PSEN1: variants seen among roughly 807,000 people sequenced by gnomAD.
The protein encoded by PSEN1 is presenilin 1.
A neutral mutation model predicts 53.5 loss-of-function variants in PSEN1; 15 were observed. The ratio of observed to expected loss-of-function variants is 0.28; its 90% CI spans 0.19 to 0.43. The LOEUF (loss-of-function observed/expected upper bound fraction) is 0.43, where lower values mean the gene tolerates loss of function less well. Ranked by LOEUF, PSEN1 falls within the 20% of genes least tolerant of loss-of-function variation. The pLI, the probability that PSEN1 is intolerant of heterozygous loss-of-function variation, is 1.00. For synonymous variants in PSEN1, 208 were observed against 209.8 expected (o/e 0.99, Z 0.08); for missense variants, 387 against 571.2 (o/e 0.68, Z 3.29).
intron 7 of PSEN1, among the ~76,000 whole-genome samples, chr14:73,194,005 A>G (rs1486501899): frequency 1.3e-5 from 2 of 152,174 alleles, no homozygotes; most frequent in Non-Finnish European, 2.9e-5. Context: ...TTTATAAGGT[A>G]ATGTATAGAA....
At chr14:73,209,008 C>T (rs61986903) in intron 9 of PSEN1, 15,007 of 382,302 alleles carry the variant, frequency 0.039, 412 homozygotes, top group Non-Finnish European at 0.06. Flanking sequence ...GCTGGCATGT[C>T]AGTGCTGCCC....
intron 3 of PSEN1, among the ~76,000 whole-genome samples, chr14:73,165,566 A>G (rs1374887747): frequency 1.4e-5 from 2 of 147,190 alleles, no homozygotes; most frequent in East Asian, 4.2e-4. Flanking sequence ...ACCAACATGG[A>G]TAAGACTCCA....
chr14:73,148,732 A>G (rs1251656919), intron 3 of PSEN1, among the ~76,000 whole-genome samples: 2 of 152,174 alleles, frequency 1.3e-5, no homozygotes, highest in South Asian at 2.1e-4. Context: ...TAGGAGTTCA[A>G]TACCAGCTTG....
At chr14:73,138,742 T>C (rs1464659669) in intron 1 of PSEN1, among the ~76,000 whole-genome samples, 29 of 121,494 alleles carry the variant, frequency 2.4e-4, no homozygotes, top group Middle Eastern at 0.013. Flanking sequence ...GGGCGGATCA[T>C]GAGGTCAGGA....
intron 5 of PSEN1, among the ~76,000 whole-genome samples, chr14:73,175,899 C>T (rs998432655): frequency 6.6e-6 from 1 of 152,334 alleles, no homozygotes; most frequent in East Asian, 1.9e-4. Flanking sequence ...TCAATTTGTA[C>T]TTAACACCAG....
chr14:73,158,792 G>C (rs903611951), intron 3 of PSEN1, among the ~76,000 whole-genome samples: 1 of 152,102 alleles, frequency 6.6e-6, no homozygotes, highest in East Asian at 1.9e-4. Context: ...TACTACCAAA[G>C]AACTTTCCAA....
chr14:73,167,522 C>T (rs1897752104), intron 3 of PSEN1, among the ~76,000 whole-genome samples: 2 of 152,148 alleles, frequency 1.3e-5, no homozygotes, highest in South Asian at 4.1e-4. Context: ...ATGACCCAGT[C>T]ACCTCCTAAA....
intron 5 of PSEN1, among the ~76,000 whole-genome samples, chr14:73,183,896 T>C (rs1898320058): frequency 6.7e-6 from 1 of 149,054 alleles, no homozygotes; most frequent in African/African-American, 2.5e-5. Flanking sequence ...GCCCCTCACC[T>C]CCCGGGCGGG....
At chr14:73,211,700 C>T in intron 9 of PSEN1, 69 bp from the exon 10 acceptor site, 3 of 1,535,088 alleles carry the variant, frequency 2.0e-6, no homozygotes, top group Non-Finnish European at 2.7e-6. Context: ...TTACTGTTTC[C>T]ATGTAATTTT....
chr14:73,200,761 A>G (rs1899146272), intron 8 of PSEN1, among the ~76,000 whole-genome samples: 1 of 152,132 alleles, frequency 6.6e-6, no homozygotes, highest in African/African-American at 2.4e-5. Flanking sequence ...AGTTTCAAGA[A>G]GGAGAGAGGC....
intron 3 of PSEN1, among the ~76,000 whole-genome samples, chr14:73,161,983 C>T (rs1352001986): frequency 9.1e-5 from 13 of 143,256 alleles, no homozygotes; most frequent in East Asian, 4.2e-4. Context: ...GGCGAAACCC[C>T]GTTTCCACTA....
chr14:73,192,596 G>C (rs770380350), intron 6 of PSEN1, 48 bp from the exon 7 acceptor site: 1 of 1,276,540 alleles, frequency 7.8e-7, no homozygotes, highest in Non-Finnish European at 1.1e-6. Flanking sequence ...ATAATGTTTT[G>C]GTGAAAATTA....
intron 7 of PSEN1, among the ~76,000 whole-genome samples, 165 bp downstream of exon 7, chr14:73,193,029 G>A (rs1038111353): frequency 1.3e-5 from 2 of 152,040 alleles, no homozygotes; most frequent in African/African-American, 2.4e-5. Context: ...TGAAGATTTC[G>A]GCTGGGCATG....
At chr14:73,207,722 C>T (rs545991340) in intron 9 of PSEN1, among the ~76,000 whole-genome samples, 3 of 152,368 alleles carry the variant, frequency 2.0e-5, no homozygotes, top group Admixed American at 6.5e-5. Context: ...CCACTGGGCT[C>T]ATTCCACCTA....
intron 5 of PSEN1, among the ~76,000 whole-genome samples, 196 bp from the exon 6 acceptor site, chr14:73,186,657 G>T (rs1415351861): frequency 3.3e-5 from 5 of 151,862 alleles, no homozygotes; most frequent in Non-Finnish European, 5.9e-5. Context: ...CGCACGCGTG[G>T]TTCCACCTAC....
intron 1 of PSEN1, among the ~76,000 whole-genome samples, chr14:73,145,719 TG>T (rs1897050979): frequency 6.6e-6 from 1 of 152,234 alleles, no homozygotes; most frequent in African/African-American, 2.4e-5. Context: ...GAATACATAT[TG>T]TTTTTGCATC....
At position 73,170,836 on chromosome 14, in the gene PSEN1, A is replaced by C. The variant is rs1198845230; in HGVS notation, c.127A>C (p.Ser43Arg). ...ACGGCAGGAGCACAACGACAGACGG[A>C]GCCTTGGCCACCCTGAGCCATTATC... ...RERQEHNDRR[S>R]LGHPEPLSNG... The change falls in exon 4 of 12, where the codon AGC becomes CGC. Residue 43 changes from serine (S) to arginine (R), a missense_variant. Physicochemically the swap from Ser to Arg is moderately radical, Grantham distance 110 (BLOSUM62 -1). Coordinates refer to ENST00000324501, the MANE Select transcript of PSEN1 (RefSeq NM_000021.4). 6 of 1,613,962 alleles carry C rather than the reference A, an allele frequency of 3.7e-6. No homozygotes were observed. The highest frequency in any genetic ancestry group is 4.2e-6 in the Non-Finnish European group (5 of 1,179,930).
At chr14:73,205,371 C>T (rs988297931) in intron 8 of PSEN1, among the ~76,000 whole-genome samples, 12 of 149,082 alleles carry the variant, frequency 8.0e-5, no homozygotes, top group African/African-American at 1.5e-4. Context: ...CCCAGCTACT[C>T]GGGAGGCTGA....
At chr14:73,175,357 C>A (rs1341558610) in intron 5 of PSEN1, among the ~76,000 whole-genome samples, 6 of 152,016 alleles carry the variant, frequency 3.9e-5, no homozygotes, top group Non-Finnish European at 5.9e-5. Flanking sequence ...GAACTCCTGA[C>A]CTCAGGTGAT....
Sources: gnomAD v4.1 joint callset for allele counts (sites outside exome capture counted in the v4.1 genomes callset) on GRCh38, gnomAD v4.1.1 for gene constraint, MANE v1.5 for transcripts, NCBI Gene and HGNC (gene_info 2026-07-23, HGNC 2026-07-21) for gene names.